SRBD1: variants seen among roughly 807,000 people sequenced by gnomAD.
The protein encoded by SRBD1 is S1 RNA binding domain 1.
SRBD1 carries 88 observed loss-of-function variants against 115.3 expected under a neutral mutation model. That is an observed-to-expected ratio of 0.76 (90% CI 0.64 to 0.91). The LOEUF (loss-of-function observed/expected upper bound fraction) is 0.91, where lower values mean the gene tolerates loss of function less well. Among genes scored for constraint, SRBD1 ranks in the 40% least tolerant of loss-of-function variants. SRBD1 has a pLI of 0.00. For synonymous variants in SRBD1, 509 were observed against 407.7 expected (o/e 1.25, Z -2.99); for missense variants, 1,385 against 1,177.4 (o/e 1.18, Z -2.58).
intron 12 of SRBD1, among the ~76,000 whole-genome samples, chr2:45,548,660 ATAAT>A (rs761993611): frequency 9.9e-5 from 15 of 151,922 alleles, no homozygotes; most frequent in Non-Finnish European, 1.8e-4. Flanking sequence ...TTCTAGTAAT[ATAAT>A]TAATCACAGC....
intron 4 of SRBD1, among the ~76,000 whole-genome samples, chr2:45,586,687 A>T (rs1348250342): frequency 6.6e-6 from 1 of 151,304 alleles, no homozygotes; most frequent in African/African-American, 2.4e-5. Context: ...TGGGACTACA[A>T]GCCACGCCAT....
chr2:45,518,762 T>A (rs891537064), intron 14 of SRBD1, among the ~76,000 whole-genome samples: 1 of 152,144 alleles, frequency 6.6e-6, no homozygotes, highest in Non-Finnish European at 1.5e-5. Context: ...TACAGCTGTA[T>A]TGCAGCAAAT....
At chr2:45,414,461 A>G (rs1667703930) in intron 18 of SRBD1, among the ~76,000 whole-genome samples, 1 of 150,478 alleles carries the variant, frequency 6.6e-6, no homozygotes, top group Non-Finnish European at 1.5e-5. Context: ...TGTAGTATGT[A>G]TAGTGTGTAT....
intron 14 of SRBD1, among the ~76,000 whole-genome samples, chr2:45,540,698 T>C (rs1035568993): frequency 1.1e-4 from 17 of 152,194 alleles, no homozygotes; most frequent in African/African-American, 3.9e-4. Flanking sequence ...TCCATTTTTT[T>C]AAATGCAAAG....
At chr2:45,600,714 C>G (rs55827105) in intron 3 of SRBD1, among the ~76,000 whole-genome samples, 5,594 of 152,240 alleles carry the variant, frequency 0.037, 308 homozygotes, top group African/African-American at 0.12. Context: ...GCACCCATCT[C>G]GGCACTGGGT....
intron 14 of SRBD1, among the ~76,000 whole-genome samples, chr2:45,507,699 A>C (rs569075521): frequency 6.6e-6 from 1 of 152,158 alleles, no homozygotes; most frequent in African/African-American, 2.4e-5. Flanking sequence ...GAACCTGGGC[A>C]ACAAGAACAA....
intron 14 of SRBD1, among the ~76,000 whole-genome samples, chr2:45,536,725 G>T (rs943355438): frequency 6.6e-6 from 1 of 152,092 alleles, no homozygotes; most frequent in Non-Finnish European, 1.5e-5. Flanking sequence ...ATCCCAATGT[G>T]TTCTCAGAAC....
intron 9 of SRBD1, among the ~76,000 whole-genome samples, chr2:45,570,841 G>C (rs566229235): frequency 6.6e-6 from 1 of 152,222 alleles, no homozygotes; most frequent in Non-Finnish European, 1.5e-5. Flanking sequence ...TCAAGGGCTT[G>C]TCTTTATTTC....
intron 16 of SRBD1, among the ~76,000 whole-genome samples, chr2:45,446,341 A>G (rs1465213039): frequency 2.6e-5 from 4 of 152,120 alleles, no homozygotes; most frequent in African/African-American, 9.7e-5. Context: ...TTGAGACCCT[A>G]AGTCCCCATT....
intron 14 of SRBD1, among the ~76,000 whole-genome samples, chr2:45,499,316 G>A (rs144903110): frequency 1.0e-3 from 153 of 152,088 alleles, no homozygotes; most frequent in African/African-American, 3.4e-3. Context: ...TGTTTGTACA[G>A]GTCTTTTGAC....
chr2:45,571,524 A>AAAAAAAAAC, intron 9 of SRBD1, among the ~76,000 whole-genome samples: 3 of 147,202 alleles, frequency 2.0e-5, no homozygotes, highest in African/African-American at 7.5e-5. Flanking sequence ...TACCAAAAAA[A>AAAAAAAAAC]AAAAAAAAAA....
intron 16 of SRBD1, among the ~76,000 whole-genome samples, chr2:45,429,390 C>T (rs914017111): frequency 1.3e-5 from 2 of 151,796 alleles, no homozygotes; most frequent in African/African-American, 4.8e-5. Context: ...ATGCAAAAAT[C>T]CTGAATAAAA....
rs1666942265 is a variant in SRBD1, at chr2:45,389,603, T to C, written c.2699-4A>G. ...TTGAAATCAGGTTTATCAAAATCTG[T>C]AAGAGAAAAAAAGTAAGTGTAAATA... On this transcript the variant is annotated splice_polypyrimidine_tract_variant and splice_region_variant and intron_variant, in intron 20 of 20. Coordinates refer to ENST00000263736, the MANE Select transcript of SRBD1 (RefSeq NM_018079.5). 6.2e-7 allele frequency: 1 copy of C among 1,607,530 alleles called. No individual in the cohort carries two copies. The highest frequency in any genetic ancestry group is 8.5e-7 in the Non-Finnish European group (1 of 1,177,712).
At chr2:45,523,327 G>C (rs1470936438) in intron 14 of SRBD1, among the ~76,000 whole-genome samples, 1 of 143,290 alleles carries the variant, frequency 7.0e-6, no homozygotes, top group African/African-American at 2.6e-5. Flanking sequence ...AAGGAAGGAA[G>C]TAATAAAGAT....
At chr2:45,424,570 A>G (rs1310786330) in intron 16 of SRBD1, among the ~76,000 whole-genome samples, 1 of 152,220 alleles carries the variant, frequency 6.6e-6, no homozygotes, top group African/African-American at 2.4e-5. Flanking sequence ...ACCTATTTAA[A>G]CATAAGTAAA....
chr2:45,510,493 T>TA (rs1220478439), intron 14 of SRBD1, among the ~76,000 whole-genome samples: 1 of 152,168 alleles, frequency 6.6e-6, no homozygotes, highest in Admixed American at 6.5e-5. Flanking sequence ...TCCACTGTGT[T>TA]AGACTATTTT....
chr2:45,539,140 T>C (rs184030794), intron 14 of SRBD1, among the ~76,000 whole-genome samples: 68 of 151,964 alleles, frequency 4.5e-4, no homozygotes, highest in African/African-American at 1.6e-3. Flanking sequence ...AAAACCAATA[T>C]GAGAAATGAG....
intron 14 of SRBD1, among the ~76,000 whole-genome samples, chr2:45,503,614 T>C (rs1670705573): frequency 1.3e-5 from 2 of 152,328 alleles, no homozygotes; most frequent in South Asian, 4.1e-4. Context: ...AAATCTATTG[T>C]ACTTCAAATT....
In SRBD1 at chr2:45,419,844, T is replaced by C. The variant is rs781133798; in HGVS notation, c.2100A>G (p.Glu700=). The change falls in exon 17 of 21, where the codon GAA becomes GAG. Residue 700 remains glutamate (E), a synonymous_variant. Coordinates refer to ENST00000263736, the MANE Select transcript of SRBD1 (RefSeq NM_018079.5). The part of the protein sequence containing the change: ...LLKATLDSVV[E]ECVSFVGVDI... ...CCACTCCCACAAAGCTGACACATTC[T>C]TCTACAACACTGTCCAGTGTTGCCT... is the stretch of plus-strand genomic sequence containing the variant. The C allele has an allele frequency of 1.2e-6, 2 of 1,613,890 alleles. No homozygotes were observed.
Sources: allele counts gnomAD v4.1 joint callset (sites outside exome capture counted in the v4.1 genomes callset), GRCh38; gene constraint gnomAD v4.1.1; transcripts MANE v1.5; gene names NCBI Gene and HGNC (gene_info 2026-07-23, HGNC 2026-07-21).